AP3B1: variants seen among roughly 807,000 people sequenced by gnomAD.
The protein encoded by AP3B1 is AP-3 complex subunit beta-1.
Under a neutral mutation model 132.5 loss-of-function variants are expected in AP3B1, and 61 were observed. The ratio of observed to expected loss-of-function variants is 0.46; its 90% confidence interval spans 0.37 to 0.57. The LOEUF is 0.57. Among genes scored for constraint, AP3B1 ranks in the 20% least tolerant of loss-of-function variants. The pLI is 0.00. For missense variants in AP3B1, 1,120 were observed against 1,289.4 expected, an observed-to-expected ratio of 0.87 and a Z score of 2.01; for synonymous variants, 388 against 438.3, an observed-to-expected ratio of 0.89 and a Z score of 1.43.
chr5:78,174,084 T>C (rs1223944953), intron 11 of AP3B1, among the ~76,000 whole-genome samples: 1 of 152,190 alleles, frequency 6.6e-6, no homozygotes, highest in African/African-American at 2.4e-5. Context: ...GCCATTTGTC[T>C]AACCTTTTTT....
intron 18 of AP3B1, 78 bp downstream of exon 18, chr5:78,116,048 T>C (rs2112265020): frequency 9.5e-7 from 1 of 1,048,224 alleles, no homozygotes. Context: ...CTGAATATTA[T>C]GGATTAGGCC....
In AP3B1 at chr5:78,141,262, G is replaced by T; in HGVS notation, c.1531C>A (p.Pro511Thr). 6.2e-7 allele frequency: 1 copy of T among 1,613,692 alleles called. No homozygotes were observed. Among genetic ancestry groups the T allele is most frequent in the South Asian group, 1.1e-5 (1 of 91,072 alleles). ...CTCAAAACATCAGGGGCAATTTTAG[G>T]AACTCGTTCACAGTTTTCTCCAATT... is the stretch of plus-strand genomic sequence containing the variant. The part of the protein sequence containing the change: ...WLIGENCERV[P>T]KIAPDVLRKM... The change falls in exon 15 of 27, where the codon CCT (proline) becomes ACT (threonine). Residue 511 changes from proline to threonine, a missense_variant. Coordinates refer to ENST00000255194, the MANE Select transcript of AP3B1 (RefSeq NM_003664.5).
chr5:78,176,130 G>T (rs1455354598), intron 9 of AP3B1, among the ~76,000 whole-genome samples: 1 of 152,130 alleles, frequency 6.6e-6, no homozygotes, highest in Non-Finnish European at 1.5e-5. Context: ...CACATCCAAG[G>T]AAGGTATTCT....
intron 15 of AP3B1, among the ~76,000 whole-genome samples, chr5:78,138,566 T>C (rs1261687154): frequency 1.3e-5 from 2 of 152,192 alleles, no homozygotes; most frequent in Non-Finnish European, 2.9e-5. Context: ...CAAGACACTA[T>C]TAATCTATTT....
intron 17 of AP3B1, among the ~76,000 whole-genome samples, chr5:78,116,961 T>C (rs74818793): frequency 0.035 from 5,351 of 152,146 alleles, 314 homozygotes; most frequent in African/African-American, 0.12. Flanking sequence ...CCGAAGTCCC[T>C]ACAACAGTCT....
At chr5:78,102,393 T>C (rs1325184749) in intron 20 of AP3B1, among the ~76,000 whole-genome samples, 1 of 152,146 alleles carries the variant, frequency 6.6e-6, no homozygotes, top group Non-Finnish European at 1.5e-5. Context: ...AATTTTATTC[T>C]TCAAAGTAAT....
chr5:78,035,844 A>G (rs1399161808), intron 23 of AP3B1, among the ~76,000 whole-genome samples: 1 of 152,104 alleles, frequency 6.6e-6, no homozygotes, highest in African/African-American at 2.4e-5. Context: ...GTAAATAACT[A>G]TAATGATACA....
intron 3 of AP3B1, among the ~76,000 whole-genome samples, chr5:78,229,103 T>G (rs1241908501): frequency 6.6e-6 from 1 of 151,912 alleles, no homozygotes; most frequent in Non-Finnish European, 1.5e-5. Context: ...CGGCTTTTTT[T>G]TAGGATTTTA....
At chr5:78,287,852 A>G (rs1408585318) in intron 1 of AP3B1, among the ~76,000 whole-genome samples, 2 of 152,204 alleles carry the variant, frequency 1.3e-5, no homozygotes, top group East Asian at 3.8e-4. Context: ...TCAATTAGCT[A>G]AACATAATAA....
chr5:78,202,226 T>C (rs1745320026), intron 7 of AP3B1, among the ~76,000 whole-genome samples: 1 of 152,192 alleles, frequency 6.6e-6, no homozygotes, highest in South Asian at 2.1e-4. Context: ...CACGTAGAAC[T>C]GTAAGTCCAA....
chr5:78,046,652 G>A (rs956420034), intron 22 of AP3B1, among the ~76,000 whole-genome samples: 3 of 152,070 alleles, frequency 2.0e-5, no homozygotes, highest in Non-Finnish European at 4.4e-5. Context: ...ATCTCCCTCT[G>A]GGGCAAAGGC....
At chr5:78,230,791 T>C (rs770138395) in intron 3 of AP3B1, among the ~76,000 whole-genome samples, 2 of 152,210 alleles carry the variant, frequency 1.3e-5, no homozygotes, top group Non-Finnish European at 2.9e-5. Context: ...TCAGCCACTA[T>C]ACAAAATTAA....
intron 22 of AP3B1, among the ~76,000 whole-genome samples, chr5:78,083,039 A>G (rs1750084069): frequency 6.6e-6 from 1 of 151,972 alleles, no homozygotes; most frequent in Admixed American, 6.6e-5. Context: ...CTGGTCTCGA[A>G]CTCCTGACCT....
At chr5:78,264,179 T>C (rs775332962) in intron 2 of AP3B1, among the ~76,000 whole-genome samples, 1 of 152,194 alleles carries the variant, frequency 6.6e-6, no homozygotes, top group Non-Finnish European at 1.5e-5. Context: ...CATGACTGTA[T>C]TGAATAATAA....
intron 17 of AP3B1, among the ~76,000 whole-genome samples, chr5:78,122,075 A>C (rs1185707637): frequency 6.6e-6 from 1 of 152,212 alleles, no homozygotes. Flanking sequence ...CCAGCATATA[A>C]ACAGAACCAA....
intron 7 of AP3B1, among the ~76,000 whole-genome samples, chr5:78,184,987 C>T (rs1377192570): frequency 1.3e-5 from 2 of 152,156 alleles, no homozygotes; most frequent in Non-Finnish European, 2.9e-5. Context: ...GGAGAAATGA[C>T]ACTTTACCAA....
chr5:78,169,733 GTTTATTTATTTAT>G (rs1303450559), intron 11 of AP3B1, among the ~76,000 whole-genome samples: 20 of 151,268 alleles, frequency 1.3e-4, no homozygotes, highest in Admixed American at 1.1e-3. Flanking sequence ...AAGCCCTGAA[GTTTATTTATTTAT>G]TTATTTATTT....
intron 3 of AP3B1, among the ~76,000 whole-genome samples, chr5:78,238,473 T>C (rs1746976394): frequency 6.6e-6 from 1 of 152,154 alleles, no homozygotes. Context: ...AAAATTGTCT[T>C]CCACAGTACT....
chr5:78,230,963 CAA>C (rs1350417190), intron 3 of AP3B1, among the ~76,000 whole-genome samples: 4 of 151,472 alleles, frequency 2.6e-5, no homozygotes, highest in Admixed American at 1.3e-4. Flanking sequence ...ACTAAAAATA[CAA>C]AAAAATTAGC....
Sources: gnomAD v4.1 joint callset for allele counts (sites outside exome capture counted in the v4.1 genomes callset) on GRCh38, gnomAD v4.1.1 for gene constraint, MANE v1.5 for transcripts, NCBI Gene and HGNC (gene_info 2026-07-23, HGNC 2026-07-21) for gene names.